The following ADAM19 variants were observed in gnomAD, a reference collection of about 807,000 sequenced individuals.
ADAM19 encodes disintegrin and metalloproteinase domain-containing protein 19.
ADAM19 carries 65 observed loss-of-function variants against 114.7 expected under a neutral mutation model. That is an observed-to-expected ratio of 0.57 (90% CI 0.46 to 0.70). The LOEUF is 0.70. Ranked by LOEUF, ADAM19 falls within the 30% of genes least tolerant of loss-of-function variation. ADAM19 has a pLI of 0.00. For synonymous variants in ADAM19, 466 were observed against 460.5 expected (o/e 1.01, Z -0.15); for missense variants, 1,063 against 1,204.7 (o/e 0.88, Z 1.74).
At chr5:157,484,531 G>A (rs1321480179) in intron 21 of ADAM19, among the ~76,000 whole-genome samples, 1 of 152,170 alleles carries the variant, frequency 6.6e-6, no homozygotes, top group Admixed American at 6.5e-5. Flanking sequence ...TTCCCTTCTC[G>A]AGAGGGTCAC....
chr5:157,483,944 C>CTTT (rs397771063), intron 21 of ADAM19, among the ~76,000 whole-genome samples: 3 of 143,796 alleles, frequency 2.1e-5, no homozygotes, highest in East Asian at 2.0e-4. Context: ...TTGAACATTC[C>CTTT]TTTTTTTTTT....
intron 3 of ADAM19, among the ~76,000 whole-genome samples, chr5:157,563,932 A>G (rs764917038): frequency 1.3e-5 from 2 of 152,160 alleles, no homozygotes; most frequent in African/African-American, 4.8e-5. Context: ...ACCAGAACAC[A>G]TGGAACAATC....
chr5:157,533,741 C>A (rs1371097583), intron 4 of ADAM19, among the ~76,000 whole-genome samples: 1 of 151,912 alleles, frequency 6.6e-6, no homozygotes, highest in Non-Finnish European at 1.5e-5. Flanking sequence ...TCAAGGTGGG[C>A]GAATCATGAG....
Position 157,488,355 on chromosome 5 carries a change from C to T in ADAM19, c.2460G>A (p.Gly820=). ...CCGTCCTCTCTATTTGAGACCCGGGCCCTGGGGAGTTCCTAGCAGCCCTGC... is the reference window on the plus strand; with the variant it reads ...CCGTCCTCTCTATTTGAGACCCGGGTCCTGGGGAGTTCCTAGCAGCCCTGC... ...HLSRAARNSP[G]PGSQIERTES... Residue 820 remains glycine (G), a synonymous_variant, in exon 21 of 23, where the codon GGG becomes GGA. Coordinates refer to ENST00000257527, the MANE Select transcript of ADAM19 (RefSeq NM_033274.5). The T allele has an allele frequency of 6.2e-7, 1 of 1,614,178 alleles. No homozygotes were observed. The highest frequency in any genetic ancestry group is 1.3e-5 in the African/African-American group (1 of 75,044).
chr5:157,530,006 G>T (rs571910246), intron 5 of ADAM19, among the ~76,000 whole-genome samples: 1 of 152,172 alleles, frequency 6.6e-6, no homozygotes, highest in Non-Finnish European at 1.5e-5. Context: ...AACTGAGGAG[G>T]TGTGGAACCA....
At chr5:157,542,220 C>T (rs574827600) in intron 3 of ADAM19, among the ~76,000 whole-genome samples, 6 of 151,882 alleles carry the variant, frequency 4.0e-5, no homozygotes, top group African/African-American at 1.4e-4. Flanking sequence ...AATCCCCTCC[C>T]TTTTCTAGGG....
intron 10 of ADAM19, among the ~76,000 whole-genome samples, chr5:157,506,265 G>A (rs1425972066): frequency 6.6e-6 from 1 of 152,158 alleles, no homozygotes; most frequent in Non-Finnish European, 1.5e-5. Flanking sequence ...TGTACTGTCT[G>A]ATGATGCAAA....
Position 157,502,802 on chromosome 5 carries a change from C to T in ADAM19, c.1308+1G>A. 6.2e-7 allele frequency: 1 copy of T among 1,613,762 alleles called. No homozygotes were observed. The highest frequency in any genetic ancestry group is 8.5e-7 in the Non-Finnish European group (1 of 1,179,704). On this transcript the variant is annotated splice_donor_variant, in intron 12 of 22. Transcript: ENST00000257527. LOFTEE classifies it high-confidence loss of function. The stretch of plus-strand genomic sequence containing the variant: ...CCACTAGCACCATTGTGACCCCTCA[C>T]CTCTTCTTCTCCACAGTCACACTCT...
intron 3 of ADAM19, among the ~76,000 whole-genome samples, chr5:157,551,357 T>C (rs1378116800): frequency 6.8e-6 from 1 of 147,286 alleles, no homozygotes; most frequent in Non-Finnish European, 1.5e-5. Context: ...TGAGCTGAGA[T>C]TGCGCCATTG....
chr5:157,522,140 T>C (rs1756311375), intron 5 of ADAM19, among the ~76,000 whole-genome samples: 1 of 152,256 alleles, frequency 6.6e-6, no homozygotes, highest in South Asian at 2.1e-4. Flanking sequence ...GACTTGGCAC[T>C]GTGCTAAGTG....
chr5:157,547,539 C>T (rs1032294785), intron 3 of ADAM19, among the ~76,000 whole-genome samples: 12 of 152,164 alleles, frequency 7.9e-5, no homozygotes, highest in African/African-American at 2.9e-4. Flanking sequence ...AGCAAGAAGG[C>T]CCTCATGAGA....
intron 1 of ADAM19, 66 bp downstream of exon 1, chr5:157,575,537 A>T (rs1757948978): frequency 2.4e-6 from 3 of 1,233,418 alleles, no homozygotes; most frequent in African/African-American, 1.6e-5. Flanking sequence ...AGCGCTCCGG[A>T]CCCGCAAGGC....
intron 5 of ADAM19, among the ~76,000 whole-genome samples, chr5:157,522,047 A>G (rs1162555902): frequency 6.6e-6 from 1 of 152,220 alleles, no homozygotes; most frequent in Non-Finnish European, 1.5e-5. Flanking sequence ...TGTGAGCTAA[A>G]CAGGACAGAG....
At chr5:157,554,272 A>G (rs1757285196) in intron 3 of ADAM19, among the ~76,000 whole-genome samples, 1 of 152,210 alleles carries the variant, frequency 6.6e-6, no homozygotes, top group Non-Finnish European at 1.5e-5. Context: ...TCTAAGGCCA[A>G]CAGGGCAGTT....
At position 157,491,859 on chromosome 5, in the gene ADAM19, A is replaced by G. The variant is rs1206399613; in HGVS notation, c.1962T>C (p.Cys654=). ...CCCCATGGCCATTGCACTTCTTCCC[A>G]CAGCCTTCAGTTTCAAAGAAGGAGG... ...RNTSFFETEG[C]GKKCNGHGVC... is the part of the protein sequence containing the mutation. Residue 654 remains cysteine (C), a synonymous_variant, in exon 17 of 23, where the codon TGT becomes TGC. Transcript: ENST00000257527. 8.7e-6 allele frequency: 14 copies of G among 1,614,092 alleles called. No homozygotes were observed. The highest frequency in any genetic ancestry group is 1.2e-5 in the Non-Finnish European group (14 of 1,180,042).
chr5:157,547,316 G>C (rs187550183), intron 3 of ADAM19, among the ~76,000 whole-genome samples: 3 of 152,206 alleles, frequency 2.0e-5, no homozygotes, highest in Non-Finnish European at 4.4e-5. Context: ...GCTGTGGTTT[G>C]AATGTATCCC....
chr5:157,562,116 G>A (rs866097581), intron 3 of ADAM19, among the ~76,000 whole-genome samples: 4 of 152,288 alleles, frequency 2.6e-5, no homozygotes, highest in East Asian at 1.9e-4. Flanking sequence ...CACGCACCAT[G>A]AATGAGAAGG....
chr5:157,499,762 A>T, intron 12 of ADAM19, 100 bp from the exon 13 acceptor site: 2 of 644,022 alleles, frequency 3.1e-6, no homozygotes, highest in African/African-American at 2.0e-5. Flanking sequence ...CCAGCTCTCT[A>T]GCAACTATCT....
At position 157,530,998 on chromosome 5, in the gene ADAM19, T is replaced by TAGCACCTTAC; in HGVS notation, c.331-125_331-116dup. ...CTTATTATATACCTACCCAACCTTA[T>TAGCACCTTAC]AGCACCTTACAACCTGCAAAGAGCT... On this transcript the variant is annotated intron_variant, in intron 4 of 22. Transcript: ENST00000257527. 3.8e-6 allele frequency: 3 copies of TAGCACCTTAC among 799,350 alleles called. No homozygotes were observed. In the South Asian group the frequency reaches 4.5e-5, roughly 12 times the overall value. 49.5% of individuals were successfully genotyped at this position (799,350 alleles called of 1,614,324 possible). A position where few individuals can be genotyped will look rare whatever the true frequency, so the allele number is the denominator to read the frequency against.
Sources: allele counts gnomAD v4.1 joint callset (sites outside exome capture counted in the v4.1 genomes callset), GRCh38; gene constraint gnomAD v4.1.1; transcripts MANE v1.5; gene names NCBI Gene and HGNC (gene_info 2026-07-23, HGNC 2026-07-21).